LIMCH1: variants seen among roughly 807,000 people sequenced by gnomAD.
The protein encoded by LIMCH1 is LIM and calponin homology domains 1, also known as LIM and calponin homology domains-containing protein 1.
In LIMCH1, 113 loss-of-function variants were observed where a neutral mutation model predicts 176.5. The ratio of observed to expected loss-of-function variants is 0.64; its 90% CI spans 0.55 to 0.75. The LOEUF (loss-of-function observed/expected upper bound fraction) is 0.75, where lower values mean the gene tolerates loss of function less well. LIMCH1 is among the 30% of genes least tolerant of loss of function. The probability of loss-of-function intolerance (pLI) is 0.00; values close to 1 mark genes in which losing one functional copy is unlikely to be tolerated. For synonymous variants in LIMCH1, 619 were observed against 645.9 expected (o/e 0.96, Z 0.63); for missense variants, 1,674 against 1,814.9 (o/e 0.92, Z 1.41).
Position 41,646,718 on chromosome 4 carries a change from C to T in LIMCH1, c.2645C>T (p.Pro882Leu), listed in dbSNP as rs1482045492. ...KYLRQQSLPP[P>L]KFTATVETTI... is the part of the protein sequence containing the mutation. ...CTGCGGCAACAGTCACTGCCTCCAC[C>T]CAAATTCACTGCCACTGTTGAAACC... Residue 882 changes from proline to leucine, a missense_variant, in exon 17 of 32, where the codon CCC (proline) becomes CTC (leucine). Physicochemically the swap from Pro to Leu is moderately conservative, Grantham distance 98. This residue lies in a region of LIMCH1 where 1,015 missense variants were observed against 1,102.5 expected (regional missense o/e 0.92). Coordinates refer to ENST00000503057, the MANE Select transcript of LIMCH1 (RefSeq NM_001330672.2). 3 of 1,614,064 alleles carry T rather than the reference C, an allele frequency of 1.9e-6. No individual in the cohort carries two copies. In the African/African-American group the frequency reaches 4.0e-5, roughly 22 times the overall value.
At chr4:41,416,709 C>T (rs12645770) in intron 1 of LIMCH1, among the ~76,000 whole-genome samples, 86,055 of 150,408 alleles carry the variant, frequency 0.57, 27,856 homozygotes, top group East Asian at 0.82. Flanking sequence ...TTTGTTAAAT[C>T]ACTGATGCTA....
At chr4:41,532,048 CCA>C (rs1231946472) in intron 3 of LIMCH1, among the ~76,000 whole-genome samples, 3 of 152,154 alleles carry the variant, frequency 2.0e-5, no homozygotes, top group Non-Finnish European at 2.9e-5. Context: ...CGTTCCCACA[CCA>C]CACACAGAGG....
At chr4:41,406,427 A>G (rs563193734) in intron 1 of LIMCH1, among the ~76,000 whole-genome samples, 1 of 152,300 alleles carries the variant, frequency 6.6e-6, no homozygotes, top group Non-Finnish European at 1.5e-5. Context: ...GGGCTGACTG[A>G]CGCACAGGGA....
intron 3 of LIMCH1, among the ~76,000 whole-genome samples, chr4:41,532,902 G>A (rs1400164641): frequency 6.6e-6 from 1 of 152,150 alleles, no homozygotes. Context: ...CATGGGTCAG[G>A]AATATGAGCA....
At chr4:41,524,389 T>G (rs1324246518) in intron 2 of LIMCH1, 1 of 1,605,546 alleles carries the variant, frequency 6.2e-7, no homozygotes, top group Non-Finnish European at 8.5e-7. Flanking sequence ...TCACTTGACA[T>G]TCTGCCTTTT....
intron 18 of LIMCH1, among the ~76,000 whole-genome samples, chr4:41,653,688 A>G (rs2094379330): frequency 6.6e-6 from 1 of 152,234 alleles, no homozygotes; most frequent in Admixed American, 6.5e-5. Flanking sequence ...AACAACAGAG[A>G]AGGGCGGCCC....
At chr4:41,456,354 C>T (rs1321434493) in intron 1 of LIMCH1, among the ~76,000 whole-genome samples, 4 of 151,998 alleles carry the variant, frequency 2.6e-5, no homozygotes, top group Admixed American at 2.0e-4. Context: ...TGGGTGTGTG[C>T]GTGTGCATGT....
chr4:41,391,179 C>T (rs1274830296), intron 1 of LIMCH1, among the ~76,000 whole-genome samples: 1 of 152,228 alleles, frequency 6.6e-6, no homozygotes, highest in Non-Finnish European at 1.5e-5. Flanking sequence ...ATTCAACTCA[C>T]TAGCTGACCT....
At chr4:41,403,250 G>A (rs761364833) in intron 1 of LIMCH1, among the ~76,000 whole-genome samples, 20 of 152,070 alleles carry the variant, frequency 1.3e-4, no homozygotes, top group Non-Finnish European at 1.9e-4. Context: ...TTATAGCATG[G>A]TATTTAAGAT....
intron 1 of LIMCH1, among the ~76,000 whole-genome samples, chr4:41,486,712 C>T (rs2069606241): frequency 6.6e-6 from 1 of 151,940 alleles, no homozygotes; most frequent in African/African-American, 2.4e-5. Context: ...TTTAAGATGC[C>T]AGTTATGATT....
chr4:41,682,486 GA>G, intron 26 of LIMCH1, 26 bp downstream of exon 26: 1 of 1,607,152 alleles, frequency 6.2e-7, no homozygotes, highest in Non-Finnish European at 8.5e-7. Context: ...AAGCCACCAT[GA>G]AAATGTACAA....
chr4:41,626,739 A>G lies in LIMCH1; in HGVS notation c.757A>G (p.Ile253Val), dbSNP rs997866251. 1.9e-5 allele frequency: 29 copies of G among 1,536,184 alleles called. No homozygotes were observed. The Admixed American group carries it at 5.7e-4, about 30-fold the overall frequency. ...QKQLSEEKEA[I>V]RDIVLRKENS... Reference sequence around the variant, plus strand: ...ACAATTAAGTGAAGAGAAAGAAGCTATTCGTGATATTGTCCTTCGCAAAGA... The same window carrying G: ...ACAATTAAGTGAAGAGAAAGAAGCTGTTCGTGATATTGTCCTTCGCAAAGA... Residue 253 changes from isoleucine (I) to valine (V), a missense_variant, in exon 8 of 32, where the codon ATT becomes GTT. Physicochemically the swap from Ile to Val is conservative, Grantham distance 29 (BLOSUM62 3). Around this residue, in one of 3 missense-constraint regions of LIMCH1, gnomAD observed 655 missense variants for 692.2 expected, o/e 0.95. Transcript: ENST00000503057.
chr4:41,436,860 T>C (rs2062140053), intron 1 of LIMCH1, among the ~76,000 whole-genome samples: 1 of 152,194 alleles, frequency 6.6e-6, no homozygotes. Context: ...CACATGGTTT[T>C]TGTCTGGTCT....
intron 28 of LIMCH1, 112 bp downstream of exon 28, chr4:41,685,942 C>A: frequency 1.7e-6 from 2 of 1,145,840 alleles, no homozygotes; most frequent in South Asian, 1.6e-5. Flanking sequence ...CATTTTTGTG[C>A]TTTCTCTCCA....
chr4:41,531,184 C>A (rs1289991017), intron 3 of LIMCH1, among the ~76,000 whole-genome samples: 1 of 152,008 alleles, frequency 6.6e-6, no homozygotes, highest in African/African-American at 2.4e-5. Context: ...GAGACATCAA[C>A]CTCTAAGGAG....
At chr4:41,511,228 A>G (rs976635742) in intron 2 of LIMCH1, among the ~76,000 whole-genome samples, 1 of 152,180 alleles carries the variant, frequency 6.6e-6, no homozygotes, top group Non-Finnish European at 1.5e-5. Context: ...TGTTCCTACA[A>G]TTCTCTTTGT....
chr4:41,360,102 T>A (rs920907658), upstream of LIMCH1, among the ~76,000 whole-genome samples: 1 of 151,682 alleles, frequency 6.6e-6, no homozygotes, highest in Non-Finnish European at 1.5e-5. This position sits in a 1 kb window ranked among gnomAD's most constrained non-coding sequence, Gnocchi z 4.5. Flanking sequence ...GCCTGACGCA[T>A]AGTAGGTGCA....
chr4:41,642,451 A>G (rs1018621139), intron 14 of LIMCH1, among the ~76,000 whole-genome samples: 5 of 152,192 alleles, frequency 3.3e-5, no homozygotes, highest in African/African-American at 1.2e-4. Flanking sequence ...AAATTTCTTA[A>G]TCTTTCTTAG....
intron 22 of LIMCH1, among the ~76,000 whole-genome samples, chr4:41,675,981 T>C (rs1478147764): frequency 6.6e-6 from 1 of 152,198 alleles, no homozygotes; most frequent in Non-Finnish European, 1.5e-5. Flanking sequence ...CAACACTTCT[T>C]ACAAAATGCA....
Sources: allele counts gnomAD v4.1 joint callset (sites outside exome capture counted in the v4.1 genomes callset), GRCh38; gene constraint gnomAD v4.1.1; regional missense constraint gnomAD v4.1.1; non-coding constraint Gnocchi (gnomAD v3.1); transcripts MANE v1.5; gene names NCBI Gene and HGNC (gene_info 2026-07-23, HGNC 2026-07-21).